The following SLC71A1 variants were observed in gnomAD, a reference collection of about 807,000 sequenced individuals.
The protein encoded by SLC71A1 is solute carrier family 71 member 1.
chr1:100,045,469 A>G, the SLC71A1 span, among the ~76,000 whole-genome samples: 1 of 152,070 alleles, frequency 6.6e-6, no homozygotes, highest in African/African-American at 2.4e-5. Context: ...CCTCTTTTCC[A>G]ATTTGCATGC....
the SLC71A1 span, among the ~76,000 whole-genome samples, chr1:100,043,691 A>C: frequency 6.6e-6 from 1 of 152,154 alleles, no homozygotes; most frequent in Non-Finnish European, 1.5e-5. Flanking sequence ...ACTGTACCCA[A>C]TATATAGTCT....
chr1:100,081,668 G>C, the SLC71A1 span, among the ~76,000 whole-genome samples: 1 of 152,154 alleles, frequency 6.6e-6, no homozygotes, highest in East Asian at 1.9e-4. Context: ...GAGCCAACAC[G>C]TGCAGCCTGA....
the SLC71A1 span, among the ~76,000 whole-genome samples, chr1:100,043,464 T>C: frequency 6.6e-6 from 1 of 152,328 alleles, no homozygotes. Flanking sequence ...ATACATGTTT[T>C]CCTTCCAGTC....
chr1:100,048,460 A>T, the SLC71A1 span, among the ~76,000 whole-genome samples: 2 of 152,148 alleles, frequency 1.3e-5, no homozygotes, highest in African/African-American at 2.4e-5. Flanking sequence ...GATTACAGGC[A>T]TGAGCCACCA....
the SLC71A1 span, among the ~76,000 whole-genome samples, chr1:100,074,268 C>T: frequency 2.0e-5 from 3 of 152,296 alleles, no homozygotes; most frequent in African/African-American, 7.2e-5. Flanking sequence ...TGACTCATCT[C>T]ATGGCCTTAA....
chr1:100,048,143 A>AAC, the SLC71A1 span, among the ~76,000 whole-genome samples: 8 of 152,084 alleles, frequency 5.3e-5, no homozygotes, highest in Non-Finnish European at 1.0e-4. Flanking sequence ...TGTGGTGGTG[A>AAC]ACATGGTGGA....
the SLC71A1 span, among the ~76,000 whole-genome samples, chr1:100,054,041 C>CTT: frequency 6.0e-5 from 8 of 133,316 alleles, no homozygotes; most frequent in Admixed American, 1.5e-4. Flanking sequence ...TTTTTCTTTC[C>CTT]TTTTTTTTTT....
At chr1:100,051,024 G>A in the SLC71A1 span, among the ~76,000 whole-genome samples, 1 of 150,382 alleles carries the variant, frequency 6.6e-6, no homozygotes, top group African/African-American at 2.4e-5. Flanking sequence ...GGCAGAGGTT[G>A]TAGTGACCCG....
the SLC71A1 span, chr1:100,080,523 T>G: frequency 6.2e-7 from 1 of 1,613,926 alleles, no homozygotes; most frequent in Non-Finnish European, 8.5e-7. Context: ...ATAACAGGAA[T>G]TCGAGGATTA....
At chr1:100,042,266 G>T in the SLC71A1 span, among the ~76,000 whole-genome samples, 1 of 152,158 alleles carries the variant, frequency 6.6e-6, no homozygotes, top group Admixed American at 6.5e-5. Context: ...TTAAAGATTT[G>T]ATAGAAAGTA....
chr1:100,070,581 A>C, the SLC71A1 span, among the ~76,000 whole-genome samples: 2 of 152,220 alleles, frequency 1.3e-5, no homozygotes, highest in Admixed American at 1.3e-4. Flanking sequence ...ATTAATCAAC[A>C]CAGGAATTTG....
chr1:100,070,253 G>A, the SLC71A1 span, among the ~76,000 whole-genome samples: 2 of 152,178 alleles, frequency 1.3e-5, no homozygotes, highest in East Asian at 1.9e-4. Flanking sequence ...AGACGCAAAG[G>A]TATGAGGAAC....
At chr1:100,081,908 C>T in the SLC71A1 span, 2 of 914,944 alleles carry the variant, frequency 2.2e-6, no homozygotes, top group South Asian at 3.2e-5. Context: ...GAGCAATTAG[C>T]TTGTAATTCA....
the SLC71A1 span, chr1:100,080,675 C>T: frequency 6.2e-7 from 1 of 1,607,546 alleles, no homozygotes; most frequent in Non-Finnish European, 8.5e-7. Flanking sequence ...TCTCATTCAA[C>T]ATGATCAAAT....
the SLC71A1 span, chr1:100,038,365 T>A: frequency 1.4e-6 from 2 of 1,471,516 alleles, no homozygotes; most frequent in Non-Finnish European, 1.9e-6. Context: ...CCCCATCCGG[T>A]CTCTCCTTCA....
At chr1:100,062,214 TA>T in the SLC71A1 span, 1 of 279,308 alleles carries the variant, frequency 3.6e-6, no homozygotes, top group Non-Finnish European at 6.6e-6. Flanking sequence ...GAGTTCTTTT[TA>T]ACAGAATCCT....
At chr1:100,059,959 G>T in the SLC71A1 span, 1 of 1,613,018 alleles carries the variant, frequency 6.2e-7, no homozygotes, top group South Asian at 1.1e-5. Flanking sequence ...GCTGCTAACG[G>T]TGTTTTTCAC....
At chr1:100,067,900 A>G in the SLC71A1 span, 1 of 1,098,284 alleles carries the variant, frequency 9.1e-7, no homozygotes, top group Non-Finnish European at 1.4e-6. Flanking sequence ...ACATAAATCA[A>G]GATTATGAAA....
the SLC71A1 span, among the ~76,000 whole-genome samples, chr1:100,047,717 C>T: frequency 5.3e-5 from 8 of 152,206 alleles, no homozygotes; most frequent in Middle Eastern, 3.4e-3. Flanking sequence ...CCACTGCGCC[C>T]GGCCGATGAA....
Sources: allele counts gnomAD v4.1 joint callset (sites outside exome capture counted in the v4.1 genomes callset), GRCh38; gene constraint gnomAD v4.1.1; transcripts MANE v1.5; gene names NCBI Gene and HGNC (gene_info 2026-07-23, HGNC 2026-07-21).